Variants in CLIP1 observed in about 807,000 individuals in gnomAD.
CLIP1 encodes CAP-Gly domain containing linker protein 1.
A neutral mutation model predicts 161.6 loss-of-function variants in CLIP1; 66 were observed. That is an observed-to-expected ratio of 0.41 (90% confidence interval 0.33 to 0.50). The LOEUF (loss-of-function observed/expected upper bound fraction) is 0.50, where lower values mean the gene tolerates loss of function less well. CLIP1 is among the 20% of genes least tolerant of loss of function. CLIP1 has a pLI of 0.27. For synonymous variants in CLIP1, 598 were observed against 626.2 expected (o/e 0.96, Z 0.67); for missense variants, 1,376 against 1,702.0 (o/e 0.81, Z 3.37).
Position 122,316,806 on chromosome 12 carries a change from T to A in CLIP1, c.3416A>T (p.Lys1139Ile), listed in dbSNP as rs1180226166. The change falls in exon 19 of 26, where the codon AAA (lysine) becomes ATA (isoleucine). Residue 1139 changes from lysine (K) to isoleucine (I), a missense_variant. Coordinates refer to ENST00000620786, the MANE Select transcript of CLIP1 (RefSeq NM_001247997.2). ...NNLKNVEELN[K>I]SKELLTVENQ... ...CTCTACAGTCAGGAGTTCTTTTGAT[T>A]TGTTCAGCTCTTCCACATTTTTCAA... 6.3e-7 allele frequency: 1 copy of A among 1,598,482 alleles called. No homozygotes were observed. The highest frequency in any genetic ancestry group is 1.2e-5 in the South Asian group (1 of 85,820).
At position 122,279,433 on chromosome 12, in the gene CLIP1, T is replaced by TAA. The variant is rs11333609; in HGVS notation, c.3648-290_3648-289dup. 5 of 145,258 alleles carry TAA rather than the reference T, an allele frequency of 3.4e-5. No homozygotes were observed. Among genetic ancestry groups the TAA allele is most frequent in the Non-Finnish European group, 5.9e-5 (4 of 67,298 alleles). 9.0% of individuals were successfully genotyped at this position (145,258 alleles called of 1,614,324 possible). On this transcript the variant is annotated intron_variant, in intron 21 of 25. Coordinates refer to ENST00000620786, the MANE Select transcript of CLIP1 (RefSeq NM_001247997.2). The surrounding 1 kb of genome is among the most constrained non-coding windows in gnomAD (Gnocchi z 4.5). ...TTAATAAATTTGGAAGAGGTAGAAT[T>TAA]AAAAAAAAAAAAAACGGTTGCACCC...
chr12:122,347,784 TGAA>T (rs1952820023), intron 9 of CLIP1, among the ~76,000 whole-genome samples: 1 of 152,152 alleles, frequency 6.6e-6, no homozygotes, highest in Non-Finnish European at 1.5e-5. Context: ...TATTGATAAG[TGAA>T]GTTTATCAGC....
At chr12:122,375,333 T>C (rs1290829516) in intron 3 of CLIP1, among the ~76,000 whole-genome samples, 3 of 152,010 alleles carry the variant, frequency 2.0e-5, no homozygotes, top group Admixed American at 1.3e-4. Flanking sequence ...TTTTTTTTCT[T>C]TGACATAGAG....
intron 19 of CLIP1, among the ~76,000 whole-genome samples, chr12:122,316,215 CT>C (rs879515742): frequency 1.7e-3 from 244 of 141,650 alleles, no homozygotes; most frequent in Middle Eastern, 3.7e-3. Flanking sequence ...CGAGTCACTT[CT>C]TTTTTTTTTT....
At chr12:122,390,271 T>C (rs1593227252) in intron 1 of CLIP1, among the ~76,000 whole-genome samples, 1 of 42,094 alleles carries the variant, frequency 2.4e-5, no homozygotes, top group Admixed American at 3.7e-4. Flanking sequence ...CACACACATA[T>C]ATATATACAT....
At chr12:122,414,191 T>G (rs936151791) in intron 1 of CLIP1, among the ~76,000 whole-genome samples, 1 of 152,158 alleles carries the variant, frequency 6.6e-6, no homozygotes, top group South Asian at 2.1e-4. Flanking sequence ...CAGCTTGGAG[T>G]GCAGTGGCGT....
At chr12:122,290,671 A>C (rs1052635475) in intron 20 of CLIP1, among the ~76,000 whole-genome samples, 1 of 152,102 alleles carries the variant, frequency 6.6e-6, no homozygotes, top group Non-Finnish European at 1.5e-5. Context: ...CAACCCTACA[A>C]AAACACAATA....
chr12:122,350,960 T>C (rs1953007270), intron 9 of CLIP1, 151 bp downstream of exon 9: 2 of 513,386 alleles, frequency 3.9e-6, no homozygotes, highest in Non-Finnish European at 6.8e-6. Context: ...ATAAATGTAA[T>C]TGCTTTGAAA....
At chr12:122,381,928 C>T (rs1955027051) in intron 1 of CLIP1, among the ~76,000 whole-genome samples, 1 of 152,184 alleles carries the variant, frequency 6.6e-6, no homozygotes, top group Admixed American at 6.6e-5. Flanking sequence ...GAAAAGCATC[C>T]CTATAAGAAG....
chr12:122,334,767 T>C, intron 12 of CLIP1, 62 bp from the exon 13 acceptor site: 2 of 1,053,056 alleles, frequency 1.9e-6, no homozygotes. Context: ...ACAAGAAGTT[T>C]CTATCAATTA....
At chr12:122,349,444 C>T (rs757587405) in intron 9 of CLIP1, among the ~76,000 whole-genome samples, 1 of 152,030 alleles carries the variant, frequency 6.6e-6, no homozygotes, top group Admixed American at 6.5e-5. Context: ...TACAGGCATG[C>T]GCCACCACAC....
In CLIP1 at chr12:122,327,931, C is replaced by G. The variant is rs1352643983; in HGVS notation, c.3249+16G>C. ...AGGCAAGCTACAACACAAGGAAATT[C>G]TCTCGCGTCACGTACTTTGGCTTTG... On this transcript the variant is annotated intron_variant, in intron 17 of 25. Transcript: ENST00000620786. 1 of 1,612,468 alleles carries G rather than the reference C, an allele frequency of 6.2e-7. No individual in the cohort carries two copies.
intron 15 of CLIP1, among the ~76,000 whole-genome samples, chr12:122,329,848 T>C (rs1951865106): frequency 6.6e-6 from 1 of 152,156 alleles, no homozygotes; most frequent in Non-Finnish European, 1.5e-5. Context: ...CCGGGTGCGT[T>C]GGCTCACGCC....
chr12:122,383,570 A>T (rs1408123772), intron 1 of CLIP1, among the ~76,000 whole-genome samples: 2 of 152,228 alleles, frequency 1.3e-5, no homozygotes, highest in African/African-American at 2.4e-5. Flanking sequence ...AACTGTGACC[A>T]AGGTTTAATG....
rs748611616 is a variant in CLIP1 at position 122,272,751 on chromosome 12, T to C, written c.*124A>G. 37 of 780,056 alleles carry C rather than the reference T, an allele frequency of 4.7e-5. No individual in the cohort carries two copies. Among genetic ancestry groups the C allele is most frequent in the Non-Finnish European group, 7.1e-5 (33 of 467,974 alleles). 48.3% of individuals were successfully genotyped at this position (780,056 alleles called of 1,614,324 possible). On this transcript the variant is annotated 3_prime_UTR_variant, in exon 26 of 26. Transcript: ENST00000620786. ...TTTGTTGAAGATCAAAATATTTTCC[T>C]AGATTTGTTGACGGGGTTAAAAAAT... is the stretch of plus-strand genomic sequence containing the variant.
chr12:122,310,989 A>C (rs1183109263), intron 19 of CLIP1, among the ~76,000 whole-genome samples: 1 of 152,186 alleles, frequency 6.6e-6, no homozygotes, highest in African/African-American at 2.4e-5. Context: ...TAGCACACTA[A>C]ATTAGGCTTT....
chr12:122,300,719 G>A (rs140823064), intron 20 of CLIP1, among the ~76,000 whole-genome samples: 21 of 152,128 alleles, frequency 1.4e-4, no homozygotes, highest in African/African-American at 4.6e-4. Flanking sequence ...ACATCTCTGT[G>A]ATATAAAAGA....
At chr12:122,385,572 AG>A (rs1459183289) in intron 1 of CLIP1, among the ~76,000 whole-genome samples, 1 of 152,182 alleles carries the variant, frequency 6.6e-6, no homozygotes, top group African/African-American at 2.4e-5. Context: ...TGGAACTCAG[AG>A]GCCTGAGTAT....
At chr12:122,283,089 G>A (rs991592622) in intron 21 of CLIP1, among the ~76,000 whole-genome samples, 4 of 152,130 alleles carry the variant, frequency 2.6e-5, no homozygotes, top group Non-Finnish European at 4.4e-5. Context: ...CATGCCTCGC[G>A]CCTTTGGCTT....
Sources: allele counts gnomAD v4.1 joint callset (sites outside exome capture counted in the v4.1 genomes callset), GRCh38; gene constraint gnomAD v4.1.1; non-coding constraint Gnocchi (gnomAD v3.1); transcripts MANE v1.5; gene names NCBI Gene and HGNC (gene_info 2026-07-23, HGNC 2026-07-21).